Variants in JAKMIP3 observed in about 807,000 individuals in gnomAD.
JAKMIP3 encodes janus kinase and microtubule-interacting protein 3.
JAKMIP3 carries 58 observed loss-of-function variants against 118.5 expected under a neutral mutation model. That is an observed-to-expected ratio of 0.49 (90% confidence interval 0.40 to 0.61). The LOEUF is 0.61. JAKMIP3 is among the 20% of genes least tolerant of loss of function. The pLI, the probability that JAKMIP3 is intolerant of heterozygous loss-of-function variation, is 0.00. For synonymous variants in JAKMIP3, 486 were observed against 451.2 expected (o/e 1.08, Z -0.98); for missense variants, 950 against 1,109.0 (o/e 0.86, Z 2.04).
rs1239491062 is a variant in JAKMIP3 at position 132,180,666 on chromosome 10, CGTGT to C, written c.*1104-1685_*1104-1682del. Among the ~76,000 whole-genome samples, 7 of 14,370 alleles carry C rather than the reference CGTGT, an allele frequency of 4.9e-4. 1 individual carries two copies. Among genetic ancestry groups the C allele is most frequent in the South Asian group, 3.0e-3 (1 of 338 alleles). 9.4% of individuals were successfully genotyped at this position (14,370 alleles called of 152,430 possible). ...GTGTGCGTGTGCGTGTGCGTGTGTG[CGTGT>C]GTGTGCGCGCGCGTGTGTGTGCGTG... On this transcript the variant is annotated intron_variant, in intron 23 of 23. Coordinates refer to ENST00000684848, the MANE Select transcript of JAKMIP3 (RefSeq NM_001323087.2).
In JAKMIP3 at chr10:132,044,154, G is replaced by A. The variant is rs948664241; in HGVS notation, c.-138+7416G>A. ...GGACCAGCCCGATGCCTGGTGGGGG[G>A]GCTTCTCTGGGCCCTCAGCTGCCCT... is the stretch of plus-strand genomic sequence containing the variant. On this transcript the variant is annotated intron_variant, in intron 1 of 23. Coordinates refer to the JAKMIP3 transcript ENST00000657785. This position sits in a 1 kb window ranked among gnomAD's most constrained non-coding sequence, Gnocchi z 5.3. Among the ~76,000 whole-genome samples the A allele has an allele frequency of 1.3e-5, 2 of 152,226 alleles. No individual in the cohort carries two copies. Among genetic ancestry groups the A allele is most frequent in the Admixed American group, 6.5e-5 (1 of 15,290 alleles).
At chr10:132,163,571 C>G in intron 20 of JAKMIP3, among the ~76,000 whole-genome samples, 159 bp downstream of exon 20, 1 of 152,198 alleles carries the variant, frequency 6.6e-6, no homozygotes, top group Middle Eastern at 3.2e-3. Flanking sequence ...GATGGCTACA[C>G]CCTGATGGCC....
intron 1 of JAKMIP3, among the ~76,000 whole-genome samples, chr10:132,073,543 C>T (rs955751450): frequency 6.7e-6 from 1 of 148,246 alleles, no homozygotes; most frequent in Non-Finnish European, 1.5e-5. Context: ...GTTGCCCAGG[C>T]AGAAGTGCAG....
In JAKMIP3 at chr10:132,117,632, G is replaced by A; in HGVS notation, c.633+58G>A. On this transcript the variant is annotated intron_variant, in intron 3 of 23. Transcript: ENST00000684848. This position sits in a 1 kb window ranked among gnomAD's most constrained non-coding sequence, Gnocchi z 8.6. ...GGGTGCAGGGGCGGGCGTGGGCGAG[G>A]GTGCAGGGGCGGGCGTGGGCGAGGG... The A allele has an allele frequency of 1.9e-6, 2 of 1,037,940 alleles. No individual in the cohort carries two copies. Among genetic ancestry groups the A allele is most frequent in the South Asian group, 3.7e-5 (2 of 54,196 alleles). The allele number at this position is 1,037,940 out of a possible 1,614,324, so 64.3% of individuals were successfully genotyped here.
At chr10:132,107,986 G>C (rs928040866) in intron 2 of JAKMIP3, among the ~76,000 whole-genome samples, 1 of 152,190 alleles carries the variant, frequency 6.6e-6, no homozygotes. Flanking sequence ...GGCTCCCAAG[G>C]GCAGCTCCAG....
intron 23 of JAKMIP3, among the ~76,000 whole-genome samples, chr10:132,169,255 TG>T (rs1201056330): frequency 6.6e-6 from 1 of 151,862 alleles, no homozygotes; most frequent in African/African-American, 2.4e-5. Flanking sequence ...TCTGCAGACA[TG>T]GTGCTCCACG....
intron 1 of JAKMIP3, among the ~76,000 whole-genome samples, chr10:132,082,956 G>A (rs1435043525): frequency 2.0e-5 from 3 of 152,224 alleles, no homozygotes; most frequent in Non-Finnish European, 4.4e-5. Context: ...CATTTGGGTT[G>A]GTTCCACATT....
chr10:132,181,506 C>T (rs1030756297), intron 23 of JAKMIP3: 1 of 152,174 alleles, frequency 6.6e-6, no homozygotes, highest in African/African-American at 2.4e-5. Flanking sequence ...AGGTCCCCTT[C>T]CTCCTGTACC....
chr10:132,098,702 G>A (rs1053508057), intron 1 of JAKMIP3, among the ~76,000 whole-genome samples: 1 of 152,164 alleles, frequency 6.6e-6, no homozygotes, highest in South Asian at 2.1e-4. Flanking sequence ...CACCTCCACC[G>A]GGCTTCTCCC....
Position 132,154,005 on chromosome 10 carries a change from A to T in JAKMIP3, c.2220+15A>T. On this transcript the variant is annotated intron_variant, in intron 19 of 23. Transcript: ENST00000684848. ...AGGCCAACAAGGTGAGAGGCACGAG[A>T]CTGCTGGAACCCCGGGGAGGGGCAC... 1 of 1,611,792 alleles carries T rather than the reference A, an allele frequency of 6.2e-7. No homozygotes were observed. The highest frequency in any genetic ancestry group is 1.1e-5 in the South Asian group (1 of 91,040).
chr10:132,126,855 T>A (rs566867457), intron 3 of JAKMIP3, among the ~76,000 whole-genome samples: 1 of 152,342 alleles, frequency 6.6e-6, no homozygotes, highest in African/African-American at 2.4e-5. Flanking sequence ...TGATATATTG[T>A]CTATTTTATA....
intron 1 of JAKMIP3, among the ~76,000 whole-genome samples, chr10:132,051,042 A>G (rs889866510): frequency 3.3e-5 from 5 of 149,786 alleles, no homozygotes; most frequent in African/African-American, 5.0e-5. Flanking sequence ...TGGTCTTGTT[A>G]ATTCCAGCCG....
chr10:132,106,330 CCT>C (rs936880996), intron 2 of JAKMIP3, among the ~76,000 whole-genome samples: 8 of 150,258 alleles, frequency 5.3e-5, no homozygotes, highest in Non-Finnish European at 1.2e-4. Flanking sequence ...AGAGCGAGAC[CCT>C]GTCTCTAAAG....
chr10:132,164,766 G>A, intron 21 of JAKMIP3, 31 bp downstream of exon 21: 1 of 1,511,086 alleles, frequency 6.6e-7, no homozygotes, highest in Non-Finnish European at 9.2e-7. Flanking sequence ...GGGGTTGCTT[G>A]TTAAGATCAA....
At chr10:132,061,706 C>T (rs151244142), upstream of JAKMIP3, among the ~76,000 whole-genome samples, 318 of 152,276 alleles carry the variant, frequency 2.1e-3, 2 homozygotes, top group African/African-American at 4.6e-3. Flanking sequence ...GAAGGGTGCA[C>T]GCTTGGCTTT....
chr10:132,115,925 C>T (rs921388992), intron 2 of JAKMIP3, among the ~76,000 whole-genome samples: 9 of 152,340 alleles, frequency 5.9e-5, no homozygotes, highest in East Asian at 3.9e-4. Flanking sequence ...CAGCCATAAG[C>T]GGGCATTGGG....
intron 11 of JAKMIP3, among the ~76,000 whole-genome samples, chr10:132,142,603 G>C (rs2053755185): frequency 6.6e-6 from 1 of 152,226 alleles, no homozygotes; most frequent in African/African-American, 2.4e-5. Flanking sequence ...CCTCAGTGTG[G>C]CTGGCGGGTG....
chr10:132,171,378 G>T (rs1298500365), intron 23 of JAKMIP3, among the ~76,000 whole-genome samples: 1 of 152,200 alleles, frequency 6.6e-6, no homozygotes, highest in Non-Finnish European at 1.5e-5. Context: ...GAAGCAGAGG[G>T]CCCCTCACCC....
intron 23 of JAKMIP3, among the ~76,000 whole-genome samples, chr10:132,173,981 G>A (rs974420975): frequency 1.4e-5 from 2 of 148,050 alleles, no homozygotes; most frequent in African/African-American, 5.1e-5. Flanking sequence ...TGTCTCTGGT[G>A]GTCTGTGGTG....
Sources: allele counts gnomAD v4.1 joint callset (sites outside exome capture counted in the v4.1 genomes callset), GRCh38; gene constraint gnomAD v4.1.1; non-coding constraint Gnocchi (gnomAD v3.1); transcripts MANE v1.5; gene names NCBI Gene and HGNC (gene_info 2026-07-23, HGNC 2026-07-21).